The following NKAIN2 variants were observed in gnomAD, a reference collection of about 807,000 sequenced individuals.
NKAIN2 encodes the protein sodium/potassium-transporting ATPase subunit beta-1-interacting protein 2.
In NKAIN2, 14 loss-of-function variants were observed where a neutral mutation model predicts 32.6. That is an observed-to-expected ratio of 0.43 (90% confidence interval 0.28 to 0.67). The LOEUF is 0.67. NKAIN2 is among the 30% of genes least tolerant of loss of function. The probability of loss-of-function intolerance (pLI) is 0.17; values close to 1 mark genes in which losing one functional copy is unlikely to be tolerated. For missense variants in NKAIN2, 198 were observed against 258.3 expected (o/e 0.77, Z 1.60); for synonymous variants, 80 against 87.2 (o/e 0.92, Z 0.46).
At chr6:124,093,885 T>A (rs1784537427) in intron 1 of NKAIN2, among the ~76,000 whole-genome samples, 1 of 152,164 alleles carries the variant, frequency 6.6e-6, no homozygotes, top group Admixed American at 6.5e-5. Flanking sequence ...GTTGTTAGCA[T>A]CATCCATTTT....
chr6:124,525,944 A>G (rs1310647552), intron 3 of NKAIN2, among the ~76,000 whole-genome samples: 1 of 152,218 alleles, frequency 6.6e-6, no homozygotes, highest in Non-Finnish European at 1.5e-5. Context: ...GCATATCAAC[A>G]TAGCACAAAA....
chr6:124,822,956 TG>T (rs1781452282), intron 6 of NKAIN2, among the ~76,000 whole-genome samples: 1 of 152,220 alleles, frequency 6.6e-6, no homozygotes. Context: ...GCATTCTTTT[TG>T]GCAGCCTAAT....
chr6:123,807,152 T>C (rs1475540193), intron 1 of NKAIN2, among the ~76,000 whole-genome samples: 2 of 152,064 alleles, frequency 1.3e-5, no homozygotes, highest in Non-Finnish European at 2.9e-5. Context: ...TTGATAAACA[T>C]ATACTCTTCT....
chr6:124,450,425 T>C (rs1351726532), intron 3 of NKAIN2, among the ~76,000 whole-genome samples: 3 of 152,014 alleles, frequency 2.0e-5, no homozygotes, highest in Non-Finnish European at 4.4e-5. Flanking sequence ...GCATGTATGA[T>C]AAATTTTTGA....
chr6:124,820,100 T>A (rs1781329906), intron 6 of NKAIN2, among the ~76,000 whole-genome samples: 1 of 152,212 alleles, frequency 6.6e-6, no homozygotes, highest in Non-Finnish European at 1.5e-5. Context: ...ACTACAGTTG[T>A]TTGCTATGCA....
intron 4 of NKAIN2, among the ~76,000 whole-genome samples, chr6:124,698,245 C>T (rs1004403631): frequency 1.3e-5 from 2 of 152,152 alleles, no homozygotes; most frequent in Non-Finnish European, 2.9e-5. Flanking sequence ...AAGCAATTAG[C>T]TTCTTGAGTC....
chr6:124,561,166 C>A (rs1031133577), intron 3 of NKAIN2, among the ~76,000 whole-genome samples: 1 of 152,144 alleles, frequency 6.6e-6, no homozygotes, highest in Non-Finnish European at 1.5e-5. Context: ...AGAAGTGATG[C>A]CACTGTAGGA....
intron 1 of NKAIN2, among the ~76,000 whole-genome samples, chr6:123,884,528 A>G (rs956007852): frequency 1.1e-4 from 16 of 152,280 alleles, no homozygotes; most frequent in Admixed American, 3.9e-4. Flanking sequence ...TTACACTTCT[A>G]ATTACCCCTA....
At chr6:124,169,792 A>G (rs1788754921) in intron 1 of NKAIN2, among the ~76,000 whole-genome samples, 1 of 152,070 alleles carries the variant, frequency 6.6e-6, no homozygotes, top group Admixed American at 6.6e-5. Context: ...TCCTGGTTTT[A>G]CATTCTGCAT....
chr6:124,081,076 C>T (rs181241602), intron 1 of NKAIN2, among the ~76,000 whole-genome samples: 67 of 152,134 alleles, frequency 4.4e-4, no homozygotes, highest in African/African-American at 1.4e-3. Flanking sequence ...AAAAAAGAGT[C>T]GTTTAATCCT....
chr6:124,216,595 G>T (rs936022404), intron 1 of NKAIN2, among the ~76,000 whole-genome samples: 3 of 152,152 alleles, frequency 2.0e-5, no homozygotes, highest in Non-Finnish European at 4.4e-5. Context: ...TAATTTCACT[G>T]TTTTAAACGG....
At chr6:123,934,365 T>A (rs1301007378) in intron 1 of NKAIN2, among the ~76,000 whole-genome samples, 1 of 152,146 alleles carries the variant, frequency 6.6e-6, no homozygotes, top group Non-Finnish European at 1.5e-5. Flanking sequence ...CTTATGGGAA[T>A]TATGCTATCA....
At chr6:123,968,321 CG>C (rs1402935953) in intron 1 of NKAIN2, among the ~76,000 whole-genome samples, 7 of 152,066 alleles carry the variant, frequency 4.6e-5, no homozygotes, top group Non-Finnish European at 8.8e-5. Flanking sequence ...ATAGGAGCCA[CG>C]GGTGCTATTA....
At chr6:124,073,523 A>G (rs987520296) in intron 1 of NKAIN2, among the ~76,000 whole-genome samples, 1 of 152,182 alleles carries the variant, frequency 6.6e-6, no homozygotes, top group Non-Finnish European at 1.5e-5. Flanking sequence ...AGAGTTCTAC[A>G]AAGAGTCATA....
rs963830738 is a variant in NKAIN2, at chr6:123,910,678, G to GT, written c.54+106431dup. ...GCACAACCATGCCCAGCTAATTTTT[G>GT]TTTTTTTAGTAGAGATGAGGTTTCA... On this transcript the variant is annotated intron_variant, in intron 1 of 6. Coordinates refer to ENST00000368417, the MANE Select transcript of NKAIN2 (RefSeq NM_001040214.3). Among the ~76,000 whole-genome samples the GT allele has an allele frequency of 2.0e-5, 3 of 151,116 alleles. No individual in the cohort carries two copies. The East Asian group carries it at 5.9e-4, about 29-fold the overall frequency.
chr6:124,373,780 A>G (rs565344140), intron 3 of NKAIN2, among the ~76,000 whole-genome samples: 1 of 152,132 alleles, frequency 6.6e-6, no homozygotes, highest in Non-Finnish European at 1.5e-5. Context: ...GGCAAAGAGA[A>G]AGTTATTGCC....
At chr6:124,571,442 G>T (rs1016187586) in intron 3 of NKAIN2, among the ~76,000 whole-genome samples, 1 of 152,172 alleles carries the variant, frequency 6.6e-6, no homozygotes, top group African/African-American at 2.4e-5. Context: ...CCAGAAGGAG[G>T]TAACTGAATC....
At chr6:124,750,938 A>T (rs1481610584) in intron 4 of NKAIN2, among the ~76,000 whole-genome samples, 1 of 152,028 alleles carries the variant, frequency 6.6e-6, no homozygotes, top group Non-Finnish European at 1.5e-5. Flanking sequence ...AAATCTACCT[A>T]AAAAACTAAT....
At position 124,164,657 on chromosome 6, in the gene NKAIN2, A is replaced by AT. The variant is rs1446741544; in HGVS notation, c.55-118341dup. Among the ~76,000 whole-genome samples, 12 of 151,904 alleles carry AT rather than the reference A, an allele frequency of 7.9e-5. 1 individual carries two copies. The highest frequency in any genetic ancestry group is 1.3e-4 in the Non-Finnish European group (9 of 67,946). ...TTTTTTCTTTCAATTTATGTGCATTATTTTTTTCAAATTGCTACTCGGGTA... is the reference window on the plus strand; with the variant it reads ...TTTTTTCTTTCAATTTATGTGCATTATTTTTTTTCAAATTGCTACTCGGGTA... On this transcript the variant is annotated intron_variant, in intron 1 of 6. Transcript: ENST00000368417.
Sources: gnomAD v4.1 joint callset for allele counts (sites outside exome capture counted in the v4.1 genomes callset) on GRCh38, gnomAD v4.1.1 for gene constraint, MANE v1.5 for transcripts, NCBI Gene and HGNC (gene_info 2026-07-23, HGNC 2026-07-21) for gene names.